Variants in ATRX observed in about 807,000 individuals in gnomAD.
ATRX encodes the protein ATRX chromatin remodeler.
Under a neutral mutation model 172.6 loss-of-function variants are expected in ATRX, and 12 were observed. That is an observed-to-expected ratio of 0.07 (90% CI 0.04 to 0.11). The LOEUF (loss-of-function observed/expected upper bound fraction) is 0.11. Ranked by LOEUF, ATRX falls within the 10% of genes least tolerant of loss-of-function variation. The pLI, the probability that ATRX is intolerant of heterozygous loss-of-function variation, is 1.00. For missense variants in ATRX, 1,368 were observed against 1,767.4 expected (o/e 0.77, Z 4.05); for synonymous variants, 674 against 594.7 (o/e 1.13, Z -1.94).
chrX:77,637,939 C>CAAAAAAAAAAAAAAAA (rs373944111), intron 15 of ATRX, among the ~76,000 whole-genome samples: 1 of 42,863 alleles, frequency 2.3e-5, no homozygotes. Flanking sequence ...AGCTCCATCT[C>CAAAAAAAAAAAAAAAA]AAAAAAAAAA....
At chrX:77,551,419 A>G (rs2064508915) in intron 30 of ATRX, among the ~76,000 whole-genome samples, 1 of 112,343 alleles carries the variant, frequency 8.9e-6, no homozygotes, top group Non-Finnish European at 1.9e-5. Flanking sequence ...AGCCATATGT[A>G]GAAAGCTGGA....
chrX:77,510,634 G>A (rs981431367), intron 34 of ATRX, among the ~76,000 whole-genome samples: 1 of 111,953 alleles, frequency 8.9e-6, no homozygotes, highest in South Asian at 3.7e-4. Flanking sequence ...GGCCCTGAGT[G>A]AACATCAGCA....
intron 22 of ATRX, among the ~76,000 whole-genome samples, chrX:77,603,218 A>T (rs2066746992): frequency 9.0e-6 from 1 of 111,468 alleles, no homozygotes; most frequent in African/African-American, 3.3e-5. Flanking sequence ...ACAAATAAAG[A>T]GACCAAGGCT....
chrX:77,697,084 T>G (rs1021653067), intron 4 of ATRX, among the ~76,000 whole-genome samples: 1 of 112,282 alleles, frequency 8.9e-6, no homozygotes, highest in Non-Finnish European at 1.9e-5. Context: ...CTGCATAGTA[T>G]ATTGGGTACT....
At chrX:77,767,190 G>A (rs1287116004) in intron 1 of ATRX, among the ~76,000 whole-genome samples, 12 of 108,462 alleles carry the variant, frequency 1.1e-4, no homozygotes, top group Non-Finnish European at 1.9e-4. Flanking sequence ...GCTTCGGCTC[G>A]GCATCAGAGG....
intron 1 of ATRX, among the ~76,000 whole-genome samples, chrX:77,763,453 ATTTTCTT>A (rs1195774065): frequency 2.9e-5 from 2 of 68,217 alleles, no homozygotes; most frequent in Non-Finnish European, 5.5e-5. Flanking sequence ...CCATTATACT[ATTTTCTT>A]TTTTCTTTTT....
intron 26 of ATRX, among the ~76,000 whole-genome samples, chrX:77,592,369 C>T (rs935160350): frequency 8.0e-5 from 8 of 99,817 alleles, no homozygotes; most frequent in Non-Finnish European, 1.4e-4. Context: ...GCTGAGATTG[C>T]GCCACTGCAC....
chrX:77,767,709 T>G (rs186160348), intron 1 of ATRX, among the ~76,000 whole-genome samples: 14 of 111,406 alleles, frequency 1.3e-4, no homozygotes, highest in Non-Finnish European at 3.8e-5. Flanking sequence ...CATAATAGAT[T>G]TAAGAGTAGC....
Position 77,508,434 on chromosome X carries a change from C to T in ATRX, c.7396G>A (p.Gly2466Ser), listed in dbSNP as rs782540364. The T allele has an allele frequency of 1.7e-6, 2 of 1,210,624 alleles. No homozygotes were observed. Among genetic ancestry groups the T allele is most frequent in the Non-Finnish European group, 1.1e-6 (1 of 894,587 alleles). ...MRGMYQPVAG[G>S]MQPPPLQRAP... is the part of the protein sequence containing the mutation. ...CGCTGTAATGGTGGTGGCTGCATAC[C>T]ACCAGCCACTGGCTGATACATTCCT... is the stretch of plus-strand genomic sequence containing the variant. Residue 2466 changes from glycine (G) to serine (S), a missense_variant, in exon 35 of 35, where the codon GGT (glycine) becomes AGT (serine). By Grantham distance (56) the Gly-to-Ser change is moderately conservative. Coordinates refer to ENST00000373344, the MANE Select transcript of ATRX (RefSeq NM_000489.6).
At chrX:77,784,592 C>G (rs892545369) in intron 1 of ATRX, among the ~76,000 whole-genome samples, 1 of 111,831 alleles carries the variant, frequency 8.9e-6, no homozygotes, top group Non-Finnish European at 1.9e-5. Context: ...GTACCACTTA[C>G]GTGCCTAATA....
At chrX:77,660,606 A>G (rs782352005) in intron 12 of ATRX, among the ~76,000 whole-genome samples, 12 of 109,824 alleles carry the variant, frequency 1.1e-4, no homozygotes, top group Admixed American at 4.9e-4. Flanking sequence ...TAAAAAAATA[A>G]TAATAATAAA....
chrX:77,780,826 A>T (rs2076543062), intron 1 of ATRX, among the ~76,000 whole-genome samples: 1 of 110,179 alleles, frequency 9.1e-6, no homozygotes, highest in Admixed American at 9.7e-5. Flanking sequence ...CTGTGGTCCC[A>T]GCTACATGGG....
chrX:77,718,839 C>A (rs1156484486), intron 1 of ATRX, among the ~76,000 whole-genome samples: 2 of 111,617 alleles, frequency 1.8e-5, no homozygotes, highest in Non-Finnish European at 3.8e-5. Context: ...GTGACCTTGA[C>A]TCACTGAGGT....
intron 2 of ATRX, among the ~76,000 whole-genome samples, chrX:77,703,540 G>A (rs192641615): frequency 4.1e-4 from 46 of 112,583 alleles, no homozygotes; most frequent in Non-Finnish European, 6.9e-4. Flanking sequence ...AGGAACCGCA[G>A]GCAGGGCCCC....
At chrX:77,540,176 A>C (rs1448290058) in intron 30 of ATRX, among the ~76,000 whole-genome samples, 1 of 111,808 alleles carries the variant, frequency 8.9e-6, no homozygotes, top group Non-Finnish European at 1.9e-5. Flanking sequence ...CTAATCTCGG[A>C]TAAAACAGAC....
intron 12 of ATRX, among the ~76,000 whole-genome samples, chrX:77,657,174 TTTTC>T (rs2069599685): frequency 9.0e-6 from 1 of 111,279 alleles, no homozygotes; most frequent in South Asian, 3.8e-4. Context: ...CGTATGGTTA[TTTTC>T]TTTCTTTGTT....
chrX:77,711,804 C>A (rs1388785737), intron 2 of ATRX, among the ~76,000 whole-genome samples: 1 of 112,144 alleles, frequency 8.9e-6, no homozygotes, highest in East Asian at 2.8e-4. Context: ...CACTGCACAC[C>A]AGCCTAGGCA....
chrX:77,619,008 C>T (rs782235029), intron 20 of ATRX, 27 bp from the exon 21 acceptor site: 1 of 1,043,767 alleles, frequency 9.6e-7, no homozygotes, highest in South Asian at 2.0e-5. Context: ...TATTCATTAA[C>T]AACATTAACA....
At chrX:77,695,273 T>C (rs1056699550) in intron 5 of ATRX, among the ~76,000 whole-genome samples, 6 of 110,956 alleles carry the variant, frequency 5.4e-5, no homozygotes, top group African/African-American at 2.0e-4. Context: ...TACAGTGTTG[T>C]TTTGAGGATT....
Sources: gnomAD v4.1 joint callset for allele counts (sites outside exome capture counted in the v4.1 genomes callset) on GRCh38, gnomAD v4.1.1 for gene constraint, MANE v1.5 for transcripts, NCBI Gene and HGNC (gene_info 2026-07-23, HGNC 2026-07-21) for gene names.